FAM227A: variants seen among roughly 807,000 people sequenced by gnomAD.
The protein encoded by FAM227A is protein FAM227A.
FAM227A carries 80 observed loss-of-function variants against 74.7 expected under a neutral mutation model. The observed-to-expected ratio is 1.07, with a 90% confidence interval of 0.89 to 1.29. FAM227A has a LOEUF of 1.29. FAM227A is among the 50% of genes most tolerant of loss of function. The pLI is 0.00. For missense variants in FAM227A, 654 were observed against 683.4 expected (o/e 0.96, Z 0.48); for synonymous variants, 237 against 241.8 (o/e 0.98, Z 0.19).
intron 1 of FAM227A, among the ~76,000 whole-genome samples, chr22:38,652,341 C>T (rs768333750): frequency 1.3e-5 from 2 of 152,168 alleles, no homozygotes; most frequent in African/African-American, 4.8e-5. Context: ...GTAATCCCAG[C>T]ACTTTGGGAG....
At chr22:38,625,387 C>CAAAA (rs1037434338) in intron 9 of FAM227A, among the ~76,000 whole-genome samples, 1 of 75,308 alleles carries the variant, frequency 1.3e-5, no homozygotes, top group Non-Finnish European at 2.7e-5. Flanking sequence ...AGATCCGTCT[C>CAAAA]AAAAAAAAAA....
chr22:38,579,927 TTTC>T lies in FAM227A; in HGVS notation c.*6195_*6197del, dbSNP rs2090691815. Reference sequence around the variant, plus strand: ...TTGTAATTGATTGATGTCTTTTTTTTTTCTTTTTAGAGATGTGGTCTCATTCTG... The same window carrying T: ...TTGTAATTGATTGATGTCTTTTTTTTTTTTTAGAGATGTGGTCTCATTCTG... On this transcript the variant is annotated 3_prime_UTR_variant, in exon 17 of 17. Transcript: ENST00000535113. 2.0e-5 allele frequency: 3 copies of T among 152,250 alleles called. No individual in the cohort carries two copies. The highest frequency in any genetic ancestry group is 4.1e-4 in the South Asian group (2 of 4,824). 9.4% of individuals were successfully genotyped at this position (152,250 alleles called of 1,614,324 possible).
intron 11 of FAM227A, among the ~76,000 whole-genome samples, chr22:38,613,248 ATATAACATATAT>A (rs1380166544): frequency 1.3e-4 from 11 of 82,550 alleles, no homozygotes; most frequent in Admixed American, 2.1e-4. Flanking sequence ...AATATATAAT[ATATAACATATAT>A]TATAACATAT....
intron 8 of FAM227A, 35 bp downstream of exon 8, chr22:38,628,203 T>A (rs1484996352): frequency 1.6e-6 from 2 of 1,232,344 alleles, no homozygotes; most frequent in East Asian, 5.1e-5. Flanking sequence ...AGAAATCTAA[T>A]GTGACTTTTT....
intron 11 of FAM227A, among the ~76,000 whole-genome samples, chr22:38,614,241 A>G (rs1036484606): frequency 2.6e-5 from 4 of 152,108 alleles, no homozygotes; most frequent in Non-Finnish European, 4.4e-5. Context: ...TGCTCTTTTC[A>G]TCTCCCTGGT....
At chr22:38,623,146 G>A (rs1158479527) in intron 10 of FAM227A, 26 bp downstream of exon 10, 2 of 1,473,780 alleles carry the variant, frequency 1.4e-6, no homozygotes, top group African/African-American at 2.8e-5. Flanking sequence ...GGCAAAGAAG[G>A]CGGGAGGCTG....
At chr22:38,604,393 A>G (rs1398868629) in intron 13 of FAM227A, among the ~76,000 whole-genome samples, 1 of 151,808 alleles carries the variant, frequency 6.6e-6, no homozygotes, top group Non-Finnish European at 1.5e-5. Context: ...TCTATGGCCG[A>G]CTCCCTTGCT....
intron 14 of FAM227A, among the ~76,000 whole-genome samples, chr22:38,598,391 T>C (rs1007407752): frequency 6.6e-6 from 1 of 152,188 alleles, no homozygotes; most frequent in Non-Finnish European, 1.5e-5. Context: ...AAGCCAGTGG[T>C]TGCTAAACTG....
chr22:38,613,317 AAT>A lies in FAM227A; in HGVS notation c.1039-5843_1039-5842del, dbSNP rs1278298709. Among the ~76,000 whole-genome samples, 138 of 83,308 alleles carry A rather than the reference AAT, an allele frequency of 1.7e-3. 4 individuals are homozygous for A. Among genetic ancestry groups the A allele is most frequent in the African/African-American group, 6.8e-3 (127 of 18,646 alleles). 54.7% of individuals were successfully genotyped at this position (83,308 alleles called of 152,430 possible). ...ATATCATATATAATATATAACATAT[AAT>A]ATATATCATATATAATATATAACAT... On this transcript the variant is annotated intron_variant, in intron 11 of 16. Transcript: ENST00000535113.
intron 13 of FAM227A, among the ~76,000 whole-genome samples, chr22:38,604,845 G>T (rs1339995243): frequency 6.6e-6 from 1 of 152,030 alleles, no homozygotes; most frequent in Non-Finnish European, 1.5e-5. Flanking sequence ...TAGAGACAGG[G>T]TTTCACCATG....
intron 6 of FAM227A, among the ~76,000 whole-genome samples, chr22:38,635,271 AGGAGAG>A (rs2091982286): frequency 6.7e-6 from 1 of 150,170 alleles, no homozygotes; most frequent in Admixed American, 6.6e-5. Flanking sequence ...CATGGGGAGA[AGGAGAG>A]GGAGACAGAG....
At chr22:38,639,822 A>C in intron 3 of FAM227A, 98 bp from the exon 4 acceptor site, 1 of 847,264 alleles carries the variant, frequency 1.2e-6, no homozygotes, top group East Asian at 2.7e-5. Context: ...TGGTGCACAA[A>C]AGACCTGGAG....
intron 1 of FAM227A, among the ~76,000 whole-genome samples, chr22:38,654,876 A>G (rs1336173340): frequency 6.6e-6 from 1 of 151,186 alleles, no homozygotes; most frequent in Admixed American, 6.6e-5. Flanking sequence ...TGAACCCAGG[A>G]GGCGGAGCTT....
chr22:38,629,576 C>T (rs1479025960), intron 6 of FAM227A, among the ~76,000 whole-genome samples: 2 of 152,266 alleles, frequency 1.3e-5, no homozygotes, highest in Non-Finnish European at 1.5e-5. Flanking sequence ...AAAGTAAGGA[C>T]TGAAAGGTCA....
At chr22:38,595,220 T>C (rs2091019851) in intron 15 of FAM227A, among the ~76,000 whole-genome samples, 1 of 152,242 alleles carries the variant, frequency 6.6e-6, no homozygotes, top group Admixed American at 6.5e-5. Context: ...GTCTAGCCAA[T>C]AGCAATTCCC....
At chr22:38,586,239 A>T (rs2090805241) in intron 16 of FAM227A, 40 bp from the exon 17 acceptor site, 7 of 1,545,166 alleles carry the variant, frequency 4.5e-6, no homozygotes, top group Non-Finnish European at 6.1e-6. Flanking sequence ...AAATTAATTT[A>T]AAAAATGTAA....
At chr22:38,601,939 A>G (rs2091188218) in intron 13 of FAM227A, among the ~76,000 whole-genome samples, 1 of 152,110 alleles carries the variant, frequency 6.6e-6, no homozygotes, top group Non-Finnish European at 1.5e-5. Flanking sequence ...CAGATCAGAA[A>G]GAGAACAGGC....
At chr22:38,588,502 C>T (rs1602834007) in intron 16 of FAM227A, among the ~76,000 whole-genome samples, 1 of 150,758 alleles carries the variant, frequency 6.6e-6, no homozygotes, top group African/African-American at 2.4e-5. Context: ...ACCTGTAGTC[C>T]CAGCTACTCA....
chr22:38,602,702 C>A (rs1013073095), intron 13 of FAM227A, among the ~76,000 whole-genome samples: 3 of 151,982 alleles, frequency 2.0e-5, no homozygotes, highest in South Asian at 2.1e-4. Flanking sequence ...TTTTTCAAAG[C>A]CTACGAAAGT....
Sources: allele counts gnomAD v4.1 joint callset (sites outside exome capture counted in the v4.1 genomes callset), GRCh38; gene constraint gnomAD v4.1.1; transcripts MANE v1.5; gene names NCBI Gene and HGNC (gene_info 2026-07-23, HGNC 2026-07-21).